Variants in YES1 observed in about 807,000 individuals in gnomAD.
YES1 encodes the protein tyrosine-protein kinase Yes.
A neutral mutation model predicts 70.4 loss-of-function variants in YES1; 39 were observed. The ratio of observed to expected loss-of-function variants is 0.55; its 90% CI spans 0.43 to 0.72. The LOEUF is 0.72. Ranked by LOEUF, YES1 falls within the 30% of genes least tolerant of loss-of-function variation. YES1 has a pLI of 0.00. For missense variants in YES1, 495 were observed against 644.8 expected (o/e 0.77, Z 2.52); for synonymous variants, 198 against 218.6 (o/e 0.91, Z 0.83).
intron 8 of YES1, among the ~76,000 whole-genome samples, chr18:741,126 G>C (rs2080212765): frequency 1.3e-5 from 2 of 152,240 alleles, no homozygotes; most frequent in African/African-American, 2.4e-5. Flanking sequence ...TCGAACTCCT[G>C]ACCTCAAGTG....
intron 1 of YES1, among the ~76,000 whole-genome samples, chr18:801,132 C>G (rs578064909): frequency 6.6e-6 from 1 of 151,648 alleles, no homozygotes. Flanking sequence ...GGCAACAGAG[C>G]GAGACTCCAT....
At chr18:767,668 T>C (rs533537550) in intron 1 of YES1, among the ~76,000 whole-genome samples, 224 of 152,268 alleles carry the variant, frequency 1.5e-3, no homozygotes, top group Middle Eastern at 6.8e-3. Flanking sequence ...TTACTGTGTC[T>C]TGAAATTATA....
chr18:763,647 T>G (rs1168191786), intron 1 of YES1, among the ~76,000 whole-genome samples: 2 of 137,096 alleles, frequency 1.5e-5, no homozygotes, highest in South Asian at 4.5e-4. Flanking sequence ...AAGGCTGCAG[T>G]GAGCTGTGAT....
upstream of YES1, chr18:812,287 C>T (rs1018687236): frequency 5.3e-5 from 8 of 150,836 alleles, no homozygotes; most frequent in African/African-American, 1.7e-4. Context: ...GAGGGAGTTC[C>T]CGGGCTCCCC....
At chr18:806,283 C>G (rs184283325) in intron 1 of YES1, among the ~76,000 whole-genome samples, 124 of 152,250 alleles carry the variant, frequency 8.1e-4, no homozygotes, top group African/African-American at 2.6e-3. Flanking sequence ...TTACTAGAGA[C>G]TAGTTTAACT....
At chr18:727,411 T>A (rs1288478208) in intron 11 of YES1, among the ~76,000 whole-genome samples, 1 of 152,198 alleles carries the variant, frequency 6.6e-6, no homozygotes, top group Non-Finnish European at 1.5e-5. Flanking sequence ...AATCCAGTCT[T>A]ATCTTTTTTT....
Position 756,614 on chromosome 18 carries a change from C to T in YES1, c.214G>A (p.Gly72Arg). The stretch of plus-strand genomic sequence containing the variant: ...ACTGAAAATGAGGAAGATGCACCTC[C>T]AAAAGGCGTTACCCCTGAGGATCCT... ...FGGSSGVTPF[G>R]GASSSFSVVP... The change falls in exon 2 of 12, where the codon GGA becomes AGA. Residue 72 changes from glycine to arginine, a missense_variant. Gly to Arg is a moderately radical substitution (Grantham distance 125). This residue lies in a region of YES1 where 110 missense variants were observed against 104.0 expected (regional missense o/e 1.06). Coordinates refer to ENST00000314574, the MANE Select transcript of YES1 (RefSeq NM_005433.4). 2 of 1,614,170 alleles carry T rather than the reference C, an allele frequency of 1.2e-6. No homozygotes were observed. The highest frequency in any genetic ancestry group is 1.7e-6 in the Non-Finnish European group (2 of 1,180,034).
chr18:812,337 C>G (rs1350339465), upstream of YES1: 3 of 136,130 alleles, frequency 2.2e-5, no homozygotes, highest in African/African-American at 8.0e-5. Flanking sequence ...GCCCCCCCCC[C>G]CCGGCCCCGC....
intron 8 of YES1, among the ~76,000 whole-genome samples, chr18:740,685 G>A (rs1028479160): frequency 6.6e-6 from 1 of 152,106 alleles, no homozygotes; most frequent in Non-Finnish European, 1.5e-5. Context: ...ACCAAAATGA[G>A]GAATTAAAGA....
At position 798,875 on chromosome 18, in the gene YES1, TATAAACCCGAG is replaced by T. The variant is rs138607248; in HGVS notation, c.-9+13228_-9+13238del. ...GAACTGTCTTTCCTGCTACTTTTAA[TATAAACCCGAG>T]ATGACATGACTCCTATCGTCAAAGG... is the stretch of plus-strand genomic sequence containing the variant. On this transcript the variant is annotated intron_variant, in intron 1 of 11. Transcript: ENST00000314574. 3.8e-3 allele frequency among the ~76,000 whole-genome samples: 577 copies of T among 152,322 alleles called. 3 individuals are homozygous for T. Among genetic ancestry groups the T allele is most frequent in the South Asian group, 7.5e-3 (36 of 4,826 alleles).
At chr18:796,385 G>A (rs1328713122) in intron 1 of YES1, among the ~76,000 whole-genome samples, 3 of 152,166 alleles carry the variant, frequency 2.0e-5, no homozygotes, top group Non-Finnish European at 4.4e-5. Flanking sequence ...TATTTATACA[G>A]GGACTGTCAC....
chr18:748,058 T>C (rs576498243), intron 3 of YES1, 40 bp from the exon 4 acceptor site: 16 of 1,553,268 alleles, frequency 1.0e-5, no homozygotes, highest in African/African-American at 2.7e-5. Flanking sequence ...AGGTAGACTA[T>C]TGCCCAAGGT....
At chr18:805,229 T>G (rs1333619497) in intron 1 of YES1, among the ~76,000 whole-genome samples, 2 of 152,192 alleles carry the variant, frequency 1.3e-5, no homozygotes, top group Non-Finnish European at 1.5e-5. Flanking sequence ...CCATATAGTA[T>G]GGCCTATTTC....
At chr18:748,303 C>T (rs140308137) in intron 3 of YES1, among the ~76,000 whole-genome samples, 32 of 151,256 alleles carry the variant, frequency 2.1e-4, no homozygotes, top group African/African-American at 5.6e-4. Flanking sequence ...CTAAGACAGA[C>T]GATAGTGAAT....
At chr18:764,293 G>A (rs939155636) in intron 1 of YES1, among the ~76,000 whole-genome samples, 3 of 152,058 alleles carry the variant, frequency 2.0e-5, no homozygotes, top group Non-Finnish European at 4.4e-5. Flanking sequence ...TACAATCCCG[G>A]CACACTACAA....
At chr18:759,582 AT>A (rs1445981662) in intron 1 of YES1, among the ~76,000 whole-genome samples, 1 of 152,170 alleles carries the variant, frequency 6.6e-6, no homozygotes, top group African/African-American at 2.4e-5. Context: ...TCAGAAAAAA[AT>A]TGTGTCTGTA....
intron 1 of YES1, among the ~76,000 whole-genome samples, chr18:770,171 G>T (rs1359957634): frequency 6.6e-6 from 1 of 151,878 alleles, no homozygotes; most frequent in Non-Finnish European, 1.5e-5. Flanking sequence ...TGTTAGCCAG[G>T]ATTGTCTTGA....
At chr18:747,379 G>T (rs1412607143) in intron 4 of YES1, among the ~76,000 whole-genome samples, 2 of 152,202 alleles carry the variant, frequency 1.3e-5, no homozygotes, top group African/African-American at 2.4e-5. Context: ...TGAGGCAGGA[G>T]AATTGCTTGA....
intron 9 of YES1, chr18:738,852 T>C (rs1325311902): frequency 6.6e-6 from 1 of 152,186 alleles, no homozygotes; most frequent in Admixed American, 6.5e-5. Flanking sequence ...AGATGGAGTC[T>C]CGCTCTTGTT....
Sources: allele counts gnomAD v4.1 joint callset (sites outside exome capture counted in the v4.1 genomes callset), GRCh38; gene constraint gnomAD v4.1.1; regional missense constraint gnomAD v4.1.1; transcripts MANE v1.5; gene names NCBI Gene and HGNC (gene_info 2026-07-23, HGNC 2026-07-21).